NEK5: variants seen among roughly 807,000 people sequenced by gnomAD.
The protein encoded by NEK5 is NIMA related kinase 5.
Under a neutral mutation model 109.2 loss-of-function variants are expected in NEK5, and 88 were observed. The observed-to-expected ratio is 0.81, with a 90% CI of 0.68 to 0.96. The LOEUF is 0.96. NEK5 is among the 40% of genes least tolerant of loss of function. NEK5 has a pLI of 0.00. For synonymous variants in NEK5, 283 were observed against 299.9 expected (o/e 0.94, Z 0.58); for missense variants, 834 against 920.7 (o/e 0.91, Z 1.22).
At chr13:52,037,675 G>A (rs1389624016) in intron 23 of NEK5, among the ~76,000 whole-genome samples, 1 of 152,178 alleles carries the variant, frequency 6.6e-6, no homozygotes, top group African/African-American at 2.4e-5. Flanking sequence ...TGTAATCCCA[G>A]CACTTTGGGA....
At chr13:52,044,042 C>T (rs973914609) in intron 23 of NEK5, among the ~76,000 whole-genome samples, 20 of 152,138 alleles carry the variant, frequency 1.3e-4, no homozygotes, top group African/African-American at 4.6e-4. Flanking sequence ...TCTGAGTGGG[C>T]GCAATCTATT....
Position 52,086,359 on chromosome 13 carries a change from T to C in NEK5, c.1397A>G (p.Tyr466Cys). 2 of 1,607,594 alleles carry C rather than the reference T, an allele frequency of 1.2e-6. No individual in the cohort carries two copies. The highest frequency in any genetic ancestry group is 1.7e-6 in the Non-Finnish European group (2 of 1,174,312). ...GCGTATTTCCTCTAACTGCTTCCAA[T>C]ATTCCTGGAAAGCAAACCCAATCCA... ...FRKNEMKEQE[Y>C]WKQLEEIRQQ... The change falls in exon 16 of 24, where the codon TAT (tyrosine) becomes TGT (cysteine). Residue 466 changes from tyrosine (Y) to cysteine (C), a missense_variant. Around this residue, in one of 2 missense-constraint regions of NEK5, gnomAD observed 777 missense variants for 824.7 expected, o/e 0.94. Coordinates refer to ENST00000684899, the MANE Select transcript of NEK5 (RefSeq NM_001365552.1).
At position 52,034,133 on chromosome 13, in the gene NEK5, A is replaced by G. The variant is rs962455630; in HGVS notation, c.*2815T>C. On this transcript the variant is annotated 3_prime_UTR_variant, in exon 24 of 24. Transcript: ENST00000684899. ...ATTGCTACCATTTACAGAATGATCA[A>G]TTTGATAGCTATCATACATGGCTAG... 6.6e-6 allele frequency: 1 copy of G among 152,186 alleles called. No individual in the cohort carries two copies. The highest frequency in any genetic ancestry group is 2.1e-4 in the South Asian group (1 of 4,832). The allele number at this position is 152,186 out of a possible 1,614,324, so 9.4% of individuals were successfully genotyped here.
At chr13:52,045,091 C>T (rs180737681) in intron 23 of NEK5, among the ~76,000 whole-genome samples, 7 of 150,548 alleles carry the variant, frequency 4.6e-5, no homozygotes, top group Admixed American at 1.3e-4. Flanking sequence ...CGTATAAAAA[C>T]GTACCATAAC....
At position 52,035,557 on chromosome 13, in the gene NEK5, G is replaced by A. The variant is rs1954353464; in HGVS notation, c.*1391C>T. 6.6e-6 allele frequency: 1 copy of A among 152,136 alleles called. No individual in the cohort carries two copies. The highest frequency in any genetic ancestry group is 2.4e-5 in the African/African-American group (1 of 41,424). The allele number at this position is 152,136 out of a possible 1,614,324, so 9.4% of individuals were successfully genotyped here. A position where few individuals can be genotyped will look rare whatever the true frequency, so the allele number is the denominator to read the frequency against. On this transcript the variant is annotated 3_prime_UTR_variant, in exon 24 of 24. Transcript: ENST00000684899. Reference sequence around the variant, plus strand: ...CCAGGCCATGTTCAACGTTGGAATTGTTATGATCAATTTTAAAAAGTTAGT... The same window carrying A: ...CCAGGCCATGTTCAACGTTGGAATTATTATGATCAATTTTAAAAAGTTAGT...
chr13:52,082,321 A>G, intron 17 of NEK5: 1 of 1,076,092 alleles, frequency 9.3e-7, no homozygotes, highest in Middle Eastern at 2.4e-4. Context: ...ATCTAAAAAA[A>G]AAAGATAATA....
At chr13:52,063,256 G>T (rs1315217398) in intron 21 of NEK5, among the ~76,000 whole-genome samples, 8 of 152,196 alleles carry the variant, frequency 5.3e-5, no homozygotes, top group African/African-American at 1.7e-4. Flanking sequence ...TACTTTTTTG[G>T]TGGAGACGGG....
chr13:52,085,110 G>A (rs1355496204), intron 16 of NEK5, among the ~76,000 whole-genome samples: 1 of 152,120 alleles, frequency 6.6e-6, no homozygotes, highest in Non-Finnish European at 1.5e-5. Context: ...TTTGTCAAGG[G>A]TGGGGCCAGG....
intron 22 of NEK5, among the ~76,000 whole-genome samples, chr13:52,053,944 TTTG>T (rs567704270): frequency 2.8e-4 from 43 of 152,322 alleles, no homozygotes; most frequent in African/African-American, 9.9e-4. Context: ...GAACTTGTGT[TTTG>T]TTGATATTTC....
intron 4 of NEK5, among the ~76,000 whole-genome samples, chr13:52,112,731 C>T (rs761788866): frequency 3.6e-4 from 55 of 152,130 alleles, no homozygotes; most frequent in Non-Finnish European, 6.8e-4. Context: ...TTTCATAACA[C>T]CCCAGGAAGA....
intron 22 of NEK5, among the ~76,000 whole-genome samples, chr13:52,055,782 G>C (rs1343977946): frequency 1.3e-5 from 2 of 151,580 alleles, no homozygotes; most frequent in Non-Finnish European, 2.9e-5. Context: ...TGCCCTACAA[G>C]AGCTCCTGAA....
At chr13:52,083,391 T>C in intron 16 of NEK5, 39 bp from the exon 17 acceptor site, 1 of 1,307,652 alleles carries the variant, frequency 7.6e-7, no homozygotes, top group Non-Finnish European at 1.1e-6. Flanking sequence ...AGATTGGTTC[T>C]GAGTGAGCTC....
At position 52,035,400 on chromosome 13, in the gene NEK5, A is replaced by G. The variant is rs1954351456; in HGVS notation, c.*1548T>C. The stretch of plus-strand genomic sequence containing the variant: ...CTTTGTTTTCTCAGTTTAACAGTGT[A>G]TCGGTGAGACATTTTACTTTTATTA... On this transcript the variant is annotated 3_prime_UTR_variant, in exon 24 of 24. Transcript: ENST00000684899. 1 of 152,168 alleles carries G rather than the reference A, an allele frequency of 6.6e-6. No individual in the cohort carries two copies. Among genetic ancestry groups the G allele is most frequent in the South Asian group, 2.1e-4 (1 of 4,828 alleles). The allele number at this position is 152,168 out of a possible 1,614,324, so 9.4% of individuals were successfully genotyped here.
chr13:52,064,514 C>T (rs190015870), intron 21 of NEK5, among the ~76,000 whole-genome samples: 5,345 of 148,500 alleles, frequency 0.036, 120 homozygotes, highest in South Asian at 0.087. Flanking sequence ...GTCAGCCCCC[C>T]GCCTGGCCAG....
chr13:52,111,636 T>A (rs1048616114), intron 5 of NEK5, among the ~76,000 whole-genome samples: 3 of 152,186 alleles, frequency 2.0e-5, no homozygotes, highest in African/African-American at 7.2e-5. Flanking sequence ...GGCAATGGCC[T>A]TACCATCAAT....
chr13:52,060,572 C>T (rs1954604913), intron 22 of NEK5, among the ~76,000 whole-genome samples: 1 of 152,208 alleles, frequency 6.6e-6, no homozygotes, highest in South Asian at 2.1e-4. Context: ...TCTCGAACTC[C>T]TGACCTCAGG....
intron 1 of NEK5, among the ~76,000 whole-genome samples, chr13:52,128,425 G>A (rs1177988962): frequency 6.6e-6 from 1 of 152,154 alleles, no homozygotes; most frequent in Non-Finnish European, 1.5e-5. Context: ...GTAGTGCCAA[G>A]CATTTTCAGA....
chr13:52,113,304 T>C (rs953881717), intron 4 of NEK5, among the ~76,000 whole-genome samples: 4 of 152,178 alleles, frequency 2.6e-5, no homozygotes, highest in African/African-American at 4.8e-5. Context: ...CTATAGTCAG[T>C]GGACTCATAA....
chr13:52,060,457 C>T (rs543574657), intron 22 of NEK5, among the ~76,000 whole-genome samples: 51 of 152,194 alleles, frequency 3.4e-4, no homozygotes, highest in African/African-American at 7.9e-4. Flanking sequence ...CGGGTTCAAG[C>T]GTTCCTCCTG....
Sources: allele counts gnomAD v4.1 joint callset (sites outside exome capture counted in the v4.1 genomes callset), GRCh38; gene constraint gnomAD v4.1.1; regional missense constraint gnomAD v4.1.1; transcripts MANE v1.5; gene names NCBI Gene and HGNC (gene_info 2026-07-23, HGNC 2026-07-21).